Variants in SEC16A observed in about 807,000 individuals in gnomAD.
SEC16A encodes the protein protein transport protein Sec16A.
Under a neutral mutation model 221.9 loss-of-function variants are expected in SEC16A, and 110 were observed. The ratio of observed to expected loss-of-function variants is 0.50; its 90% confidence interval spans 0.42 to 0.58. The LOEUF is 0.58. SEC16A is among the 20% of genes least tolerant of loss of function. The pLI, the probability that SEC16A is intolerant of heterozygous loss-of-function variation, is 0.00. For synonymous variants in SEC16A, 1,393 were observed against 1,257.7 expected (o/e 1.11, Z -2.28); for missense variants, 3,165 against 3,097.8 (o/e 1.02, Z -0.52).
In SEC16A at chr9:136,471,984, G is replaced by C; in HGVS notation, c.3695C>G (p.Pro1232Arg). ...SSRASHSSER[P>R]PPRQGYPEGY... Reference sequence around the variant, plus strand: ...GTGGGCGCGGCCGCACCTGGGAGGTGGCCGTTCCGAGGAGTGGCTGGCTCG... The same window carrying C: ...GTGGGCGCGGCCGCACCTGGGAGGTCGCCGTTCCGAGGAGTGGCTGGCTCG... The change falls in exon 4 of 32, where the codon CCA becomes CGA. Residue 1232 changes from proline (P) to arginine (R), a missense_variant. Coordinates refer to ENST00000684901, the MANE Select transcript of SEC16A (RefSeq NM_014866.2). 6.2e-7 allele frequency: 1 copy of C among 1,612,008 alleles called. No individual in the cohort carries two copies. Among genetic ancestry groups the C allele is most frequent in the Non-Finnish European group, 8.5e-7 (1 of 1,179,828 alleles).
At chr9:136,443,789 T>TA in intron 31 of SEC16A, 34 bp downstream of exon 31, 1 of 1,568,468 alleles carries the variant, frequency 6.4e-7, no homozygotes. Flanking sequence ...GTGGGCGTGT[T>TA]AGGGTCTCGT....
At chr9:136,446,104 GTTT>G (rs900305729) in intron 28 of SEC16A, among the ~76,000 whole-genome samples, 1 of 135,104 alleles carries the variant, frequency 7.4e-6, no homozygotes, top group Non-Finnish European at 1.6e-5. Flanking sequence ...GTCTGAGCTG[GTTT>G]TTTTTTTTTT....
chr9:136,441,706 G>T lies in SEC16A; in HGVS notation c.*49C>A. ...GCGGAGGTCGGTCGGGTTCTTCGGG[G>T]AGAACAGCAGCGTCAGGGCTCCAAG... On this transcript the variant is annotated 3_prime_UTR_variant, in exon 32 of 32. Coordinates refer to ENST00000684901, the MANE Select transcript of SEC16A (RefSeq NM_014866.2). 1 of 1,567,490 alleles carries T rather than the reference G, an allele frequency of 6.4e-7. No individual in the cohort carries two copies. The highest frequency in any genetic ancestry group is 8.8e-7 in the Non-Finnish European group (1 of 1,138,726).
rs866266711 is a variant in SEC16A, at chr9:136,454,252, C to A, written c.5933G>T (p.Gly1978Val). The change falls in exon 21 of 32, where the codon GGG becomes GTG. Residue 1978 changes from glycine (G) to valine (V), a missense_variant. Around this residue, in one of 3 missense-constraint regions of SEC16A, gnomAD observed 1,088 missense variants for 1,089.6 expected, o/e 1.00. Coordinates refer to ENST00000684901, the MANE Select transcript of SEC16A (RefSeq NM_014866.2). Reference protein sequence around the residue: ...VPMFPVPLPPGPLEPGPGCVT... With the variant: ...VPMFPVPLPPVPLEPGPGCVT... Reference sequence around the variant, plus strand: ...ACAGCCAGGACCCGGCTCCAGGGGCCCCGGGGGCAGTGGCACTGGGAACAT... The same window carrying A: ...ACAGCCAGGACCCGGCTCCAGGGGCACCGGGGGCAGTGGCACTGGGAACAT... 4.4e-6 allele frequency: 7 copies of A among 1,579,256 alleles called. No homozygotes were observed. The highest frequency in any genetic ancestry group is 6.0e-6 in the Non-Finnish European group (7 of 1,163,088).
At position 136,441,746 on chromosome 9, in the gene SEC16A, A is replaced by G. The variant is rs1836209577; in HGVS notation, c.*9T>C. The G allele has an allele frequency of 6.2e-7, 1 of 1,612,964 alleles. No homozygotes were observed. ...AGGGCTCCAAGTGCAAGTTCACAGC[A>G]GGGCAAGCCTAGTTCAGCACCAGGT... is the stretch of plus-strand genomic sequence containing the variant. On this transcript the variant is annotated 3_prime_UTR_variant, in exon 32 of 32. Transcript: ENST00000684901.
At chr9:136,480,256 C>T (rs947535242) in intron 1 of SEC16A, among the ~76,000 whole-genome samples, 1 of 152,158 alleles carries the variant, frequency 6.6e-6, no homozygotes, top group African/African-American at 2.4e-5. Context: ...GGCCAGAACA[C>T]GCAAACTTCC....
Position 136,455,811 on chromosome 9 carries a change from C to T in SEC16A, c.5665-18G>A. 6.3e-7 allele frequency: 1 copy of T among 1,578,686 alleles called. No individual in the cohort carries two copies. The highest frequency in any genetic ancestry group is 8.6e-7 in the Non-Finnish European group (1 of 1,162,508). ...GCCCCCTCCTGAGGGAGAACAAGAC[C>T]TGCCCTGTGGAAGCCGCCTGTGGCC... On this transcript the variant is annotated intron_variant, in intron 19 of 31. Transcript: ENST00000684901.
chr9:136,478,185 A>T (rs1841893241), intron 2 of SEC16A, among the ~76,000 whole-genome samples: 1 of 152,210 alleles, frequency 6.6e-6, no homozygotes, highest in Non-Finnish European at 1.5e-5. Context: ...CGGGAGGACC[A>T]CTTGAGCCCA....
chr9:136,475,352 G>C lies in SEC16A; in HGVS notation c.2264C>G (p.Pro755Arg). The C allele has an allele frequency of 6.2e-6, 10 of 1,609,798 alleles. No individual in the cohort carries two copies. Among genetic ancestry groups the C allele is most frequent in the Non-Finnish European group, 8.5e-6 (10 of 1,177,016 alleles). The change falls in exon 3 of 32, where the codon CCA (proline) becomes CGA (arginine). Residue 755 changes from proline (P) to arginine (R), a missense_variant. Transcript: ENST00000684901. The surrounding 1 kb of genome is among the most constrained non-coding windows in gnomAD (Gnocchi z 5.0). ...CTCTTCTGGAGGCTGAACAACAGGT[G>C]GCTGAGGTTTTGCACACACATAAAG... ...PALYVCAKPQ[P>R]PVVQPPEEAM... is the part of the protein sequence containing the mutation.
rs1839705705 is a variant in SEC16A, at chr9:136,462,987, G to T, written c.4793C>A (p.Ala1598Asp). The change falls in exon 12 of 32, where the codon GCC (alanine) becomes GAC (aspartate). Residue 1598 changes from alanine to aspartate, a missense_variant. Ala to Asp is a moderately radical substitution (Grantham distance 126, BLOSUM62 -2). Transcript: ENST00000684901. ...ACCACCAGTGAGGAAAGAGAGCTGG[G>T]CCTCACCAGACTCCTCCTCTTCCAC... ...EQVEEEESGE[A>D]QLSFLTGGPA... The T allele has an allele frequency of 1.2e-6, 2 of 1,610,114 alleles. No individual in the cohort carries two copies.
chr9:136,467,419 G>T (rs1395637507), intron 5 of SEC16A, among the ~76,000 whole-genome samples: 2 of 152,164 alleles, frequency 1.3e-5, no homozygotes, highest in African/African-American at 4.8e-5. Context: ...TTCGCAGGCT[G>T]TTCTTGAACT....
In SEC16A at chr9:136,463,765, G is replaced by C. The variant is rs532891409; in HGVS notation, c.4447-25C>G. On this transcript the variant is annotated intron_variant, in intron 9 of 31. Transcript: ENST00000684901. The stretch of plus-strand genomic sequence containing the variant: ...CCTACGAGGAGAGGGCCGTGGGTCA[G>C]TGGCAGCCAGTGCGCAGCCACCCTG... 1.8e-4 allele frequency: 293 copies of C among 1,610,450 alleles called. 3 individuals are homozygous for C. The highest frequency in any genetic ancestry group is 1.1e-3 in the South Asian group (98 of 90,990).
chr9:136,461,101 C>A, intron 13 of SEC16A, 76 bp downstream of exon 13: 2 of 1,152,408 alleles, frequency 1.7e-6, no homozygotes, highest in Non-Finnish European at 2.6e-6. Context: ...TGCCGCCTGC[C>A]CCCAGGGTGC....
In SEC16A at chr9:136,466,820, G is replaced by C. The variant is rs1840225825; in HGVS notation, c.3929+137C>G. ...AGGGTCTGCTCCCTCCTTCCTTTCA[G>C]ACAGGGACCAAAACATCAGGCAGAT... On this transcript the variant is annotated intron_variant, in intron 6 of 31. Coordinates refer to ENST00000684901, the MANE Select transcript of SEC16A (RefSeq NM_014866.2). The surrounding 1 kb of genome is among the most constrained non-coding windows in gnomAD (Gnocchi z 5.5). The C allele has an allele frequency of 3.5e-6, 4 of 1,131,098 alleles. No homozygotes were observed. In the South Asian group the frequency reaches 6.3e-5, roughly 18 times the overall value. The allele number at this position is 1,131,098 out of a possible 1,614,324, so 70.1% of individuals were successfully genotyped here. A position where few individuals can be genotyped will look rare whatever the true frequency, so the allele number is the denominator to read the frequency against.
Position 136,475,349 on chromosome 9 carries a change from G to A in SEC16A, c.2267C>T (p.Pro756Leu), listed in dbSNP as rs1475508773. ...CGCCTCTTCTGGAGGCTGAACAACAGGTGGCTGAGGTTTTGCACACACATA... is the reference window on the plus strand; with the variant it reads ...CGCCTCTTCTGGAGGCTGAACAACAAGTGGCTGAGGTTTTGCACACACATA... ...ALYVCAKPQP[P>L]VVQPPEEAMS... is the part of the protein sequence containing the mutation. The change falls in exon 3 of 32, where the codon CCT becomes CTT. Residue 756 changes from proline (P) to leucine (L), a missense_variant. Pro to Leu is a moderately conservative substitution (Grantham distance 98). Coordinates refer to ENST00000684901, the MANE Select transcript of SEC16A (RefSeq NM_014866.2). The surrounding 1 kb of genome is among the most constrained non-coding windows in gnomAD (Gnocchi z 5.0). The A allele has an allele frequency of 3.7e-6, 6 of 1,609,684 alleles. No homozygotes were observed. Among genetic ancestry groups the A allele is most frequent in the South Asian group, 1.1e-5 (1 of 90,954 alleles).
At position 136,461,284 on chromosome 9, in the gene SEC16A, G is replaced by GC. The variant is rs1839443672; in HGVS notation, c.4894-11dup. On this transcript the variant is annotated splice_polypyrimidine_tract_variant and intron_variant, in intron 12 of 31. Transcript: ENST00000684901. ...CAGACTCCAAAGCATCCTGCAAAAG[G>GC]CATTTCAGGGACCTTGGTGGGTTAT... 6.3e-7 allele frequency: 1 copy of GC among 1,584,556 alleles called. No individual in the cohort carries two copies. Among genetic ancestry groups the GC allele is most frequent in the African/African-American group, 1.3e-5 (1 of 74,256 alleles).
At chr9:136,452,429 GAC>G (rs1185029994) in intron 22 of SEC16A, among the ~76,000 whole-genome samples, 3 of 110,210 alleles carry the variant, frequency 2.7e-5, no homozygotes, top group Non-Finnish European at 5.2e-5. Context: ...CAGGCTGGGC[GAC>G]AGAGAGAAAC....
At position 136,457,508 on chromosome 9, in the gene SEC16A, A is replaced by G. The variant is rs1838849028; in HGVS notation, c.5486T>C (p.Ile1829Thr). Residue 1829 changes from isoleucine (I) to threonine (T), a missense_variant, in exon 18 of 32, where the codon ATC (isoleucine) becomes ACC (threonine). This residue lies in a region of SEC16A where 1,088 missense variants were observed against 1,089.6 expected (regional missense o/e 1.00). Coordinates refer to ENST00000684901, the MANE Select transcript of SEC16A (RefSeq NM_014866.2). ...ATQAFHYCEA[I>T]AKSILTQPHL... Reference sequence around the variant, plus strand: ...CGGCTGCGTCAGGATGCTCTTCGCGATGGCCTCACAGTAGTGGAAGGCTTG... The same window carrying G: ...CGGCTGCGTCAGGATGCTCTTCGCGGTGGCCTCACAGTAGTGGAAGGCTTG... The G allele has an allele frequency of 6.2e-7, 1 of 1,610,128 alleles. No homozygotes were observed. Among genetic ancestry groups the G allele is most frequent in the African/African-American group, 1.3e-5 (1 of 74,990 alleles).
intron 30 of SEC16A, among the ~76,000 whole-genome samples, chr9:136,444,447 C>T (rs532253465): frequency 2.6e-5 from 4 of 152,280 alleles, no homozygotes; most frequent in South Asian, 2.1e-4. Flanking sequence ...GCATCCTGAC[C>T]GGGGAAACAC....
Sources: allele counts gnomAD v4.1 joint callset (sites outside exome capture counted in the v4.1 genomes callset), GRCh38; gene constraint gnomAD v4.1.1; regional missense constraint gnomAD v4.1.1; non-coding constraint Gnocchi (gnomAD v3.1); transcripts MANE v1.5; gene names NCBI Gene and HGNC (gene_info 2026-07-23, HGNC 2026-07-21).